The following HYCC1 variants were observed in gnomAD, a reference collection of about 807,000 sequenced individuals.
HYCC1 encodes hyccin PI4KA lipid kinase complex subunit 1.
At chr7:22,897,662 G>A in the HYCC1 span, among the ~76,000 whole-genome samples, 1 of 152,274 alleles carries the variant, frequency 6.6e-6, no homozygotes, top group East Asian at 1.9e-4. Context: ...GTCTTGCTCT[G>A]TTGCCCAGGG....
the HYCC1 span, among the ~76,000 whole-genome samples, chr7:22,982,325 T>TA: frequency 6.6e-6 from 1 of 152,146 alleles, no homozygotes; most frequent in Admixed American, 6.5e-5. Flanking sequence ...TTATTCCAGT[T>TA]AAAGTTTTTT....
chr7:22,999,431 G>C, the HYCC1 span, among the ~76,000 whole-genome samples: 2 of 152,150 alleles, frequency 1.3e-5, no homozygotes, highest in Admixed American at 1.3e-4. Flanking sequence ...GATTTTAAGA[G>C]ATCAGTGTAA....
chr7:22,994,235 T>C, the HYCC1 span, among the ~76,000 whole-genome samples: 3 of 152,184 alleles, frequency 2.0e-5, no homozygotes, highest in Non-Finnish European at 4.4e-5. Context: ...CTGTACAATA[T>C]CTGAAATTCT....
chr7:22,985,142 C>T, the HYCC1 span, among the ~76,000 whole-genome samples: 1 of 152,196 alleles, frequency 6.6e-6, no homozygotes, highest in African/African-American at 2.4e-5. Flanking sequence ...GCAGTAGATA[C>T]CATGTCTCAG....
At chr7:22,978,398 C>T in the HYCC1 span, 1 of 1,613,912 alleles carries the variant, frequency 6.2e-7, no homozygotes, top group Non-Finnish European at 8.5e-7. Context: ...GCAACTGCTC[C>T]TCTCCACTGC....
At chr7:22,976,696 TTC>T in the HYCC1 span, 2 of 1,590,348 alleles carry the variant, frequency 1.3e-6, no homozygotes, top group Non-Finnish European at 1.7e-6. Flanking sequence ...AGTATACCGA[TTC>T]TGTGCTGTCA....
the HYCC1 span, chr7:22,934,976 G>A: frequency 6.6e-6 from 1 of 152,194 alleles, no homozygotes; most frequent in Non-Finnish European, 1.5e-5. Flanking sequence ...GTTAGGGAAT[G>A]GTGGGAACAT....
At chr7:23,008,821 C>T in the HYCC1 span, among the ~76,000 whole-genome samples, 1 of 151,972 alleles carries the variant, frequency 6.6e-6, no homozygotes, top group Admixed American at 6.5e-5. Flanking sequence ...TGAACCATCA[C>T]TCTACATTAA....
the HYCC1 span, among the ~76,000 whole-genome samples, chr7:22,915,885 TA>T: frequency 6.6e-6 from 1 of 152,118 alleles, no homozygotes; most frequent in Non-Finnish European, 1.5e-5. Context: ...ACTTTTTAAC[TA>T]AATTATCTGC....
At chr7:22,968,437 A>G in the HYCC1 span, among the ~76,000 whole-genome samples, 2 of 152,220 alleles carry the variant, frequency 1.3e-5, no homozygotes, top group Non-Finnish European at 2.9e-5. Flanking sequence ...CATTGGAAAC[A>G]TAAGCAATCT....
chr7:22,977,511 G>T, the HYCC1 span: 27 of 735,736 alleles, frequency 3.7e-5, no homozygotes, highest in African/African-American at 5.4e-5. Context: ...ACATTTTTTT[G>T]AAAAAGACCT....
At chr7:22,960,181 T>A in the HYCC1 span, 1 of 1,448,474 alleles carries the variant, frequency 6.9e-7, no homozygotes, top group Non-Finnish European at 9.7e-7. Context: ...AGTTAGAAGT[T>A]ATAGCACCAT....
chr7:22,925,859 C>G, the HYCC1 span, among the ~76,000 whole-genome samples: 1 of 152,122 alleles, frequency 6.6e-6, no homozygotes, highest in African/African-American at 2.4e-5. Flanking sequence ...TCGAGAAGAA[C>G]AACTCCAAGA....
chr7:22,916,054 T>C, the HYCC1 span, among the ~76,000 whole-genome samples: 3 of 151,992 alleles, frequency 2.0e-5, no homozygotes, highest in Non-Finnish European at 4.4e-5. Context: ...CCCCTTACCA[T>C]CCCATTAAAA....
the HYCC1 span, chr7:22,937,753 G>A: frequency 6.6e-6 from 1 of 152,070 alleles, no homozygotes; most frequent in African/African-American, 2.4e-5. Flanking sequence ...GGTCTAGTGA[G>A]GGAGACAAAT....
At chr7:22,977,386 C>G in the HYCC1 span, 4 of 1,598,190 alleles carry the variant, frequency 2.5e-6, no homozygotes, top group Admixed American at 3.3e-5. Context: ...TCGTAAAACT[C>G]AATACTTTGG....
the HYCC1 span, chr7:22,937,077 G>C: frequency 6.6e-6 from 1 of 152,166 alleles, no homozygotes; most frequent in Non-Finnish European, 1.5e-5. Flanking sequence ...AATTAGAATA[G>C]AGGAAGAAAA....
chr7:22,959,565 C>T, the HYCC1 span, among the ~76,000 whole-genome samples: 2 of 151,824 alleles, frequency 1.3e-5, no homozygotes, highest in African/African-American at 4.8e-5. Context: ...GTTGACACTA[C>T]AATAACTTCT....
chr7:22,926,454 C>T, the HYCC1 span, among the ~76,000 whole-genome samples: 1 of 152,090 alleles, frequency 6.6e-6, no homozygotes. Context: ...CGTGCAGAGA[C>T]ACATATAGGC....
Sources: allele counts gnomAD v4.1 joint callset (sites outside exome capture counted in the v4.1 genomes callset), GRCh38; gene constraint gnomAD v4.1.1; transcripts MANE v1.5; gene names NCBI Gene and HGNC (gene_info 2026-07-23, HGNC 2026-07-21).